The following PSMB7 variants were observed in gnomAD, a reference collection of about 807,000 sequenced individuals.
PSMB7 encodes the protein proteasome subunit beta type-7.
PSMB7 carries 5 observed loss-of-function variants against 28.1 expected under a neutral mutation model. The ratio of observed to expected loss-of-function variants is 0.18; its 90% confidence interval spans 0.09 to 0.37. The LOEUF (loss-of-function observed/expected upper bound fraction) is 0.37. Among genes scored for constraint, PSMB7 ranks in the 10% least tolerant of loss-of-function variants. PSMB7 has a pLI of 1.00. For missense variants in PSMB7, 275 were observed against 346.2 expected (o/e 0.79, Z 1.63); for synonymous variants, 122 against 123.7 (o/e 0.99, Z 0.09).
At chr9:124,400,042 C>T (rs1190775673) in intron 5 of PSMB7, among the ~76,000 whole-genome samples, 1 of 152,176 alleles carries the variant, frequency 6.6e-6, no homozygotes. Context: ...CTCCCAACAT[C>T]CATCCCTCTT....
chr9:124,414,009 T>C lies in PSMB7; in HGVS notation c.157-4A>G, dbSNP rs1324539930. On this transcript the variant is annotated splice_region_variant and splice_polypyrimidine_tract_variant and intron_variant, in intron 2 of 7. Coordinates refer to ENST00000259457, the MANE Select transcript of PSMB7 (RefSeq NM_002799.4). ...CTGCTCCAAGAACTATGCCATCCTA[T>C]TAAAAAAAAAAGTTTTTAAACAATT... is the stretch of plus-strand genomic sequence containing the variant. The C allele has an allele frequency of 1.3e-6, 2 of 1,597,364 alleles. No homozygotes were observed. The highest frequency in any genetic ancestry group is 1.7e-6 in the Non-Finnish European group (2 of 1,171,438).
At chr9:124,413,176 GA>G (rs1306837052) in intron 3 of PSMB7, among the ~76,000 whole-genome samples, 1 of 114,412 alleles carries the variant, frequency 8.7e-6, no homozygotes, top group Admixed American at 9.9e-5. Flanking sequence ...AAAAAAAAAA[GA>G]ACGAAAAAAA....
chr9:124,375,521 T>A (rs1268319196), intron 6 of PSMB7, among the ~76,000 whole-genome samples: 2 of 151,796 alleles, frequency 1.3e-5, no homozygotes, highest in Non-Finnish European at 2.9e-5. Flanking sequence ...AAATACACAT[T>A]TTTCCCCCCA....
rs138673386 is a variant in PSMB7 at position 124,353,674 on chromosome 9, G to A, written c.758C>T (p.Ala253Val). The A allele has an allele frequency of 7.4e-6, 12 of 1,613,826 alleles. No individual in the cohort carries two copies. The highest frequency in any genetic ancestry group is 8.5e-6 in the Non-Finnish European group (10 of 1,179,804). The change falls in exon 8 of 8, where the codon GCA (alanine) becomes GTA (valine). Residue 253 changes from alanine (A) to valine (V), a missense_variant. By Grantham distance (64) the Ala-to-Val change is moderately conservative. This residue lies in a region of PSMB7 where 213 missense variants were observed against 302.4 expected (regional missense o/e 0.70). Transcript: ENST00000259457. Reference sequence around the variant, plus strand: ...AGGAGTGATTTTCTCAGTGAGGACTGCAGTAGTCCCTTTCTCACACCTGTA... The same window carrying A: ...AGGAGTGATTTTCTCAGTGAGGACTACAGTAGTCCCTTTCTCACACCTGTA... ...GRYRCEKGTT[A>V]VLTEKITPLE... is the part of the protein sequence containing the mutation.
intron 6 of PSMB7, among the ~76,000 whole-genome samples, chr9:124,367,581 G>A (rs549501498): frequency 3.3e-5 from 5 of 152,174 alleles, no homozygotes; most frequent in East Asian, 1.9e-4. Flanking sequence ...CATGGGGGGC[G>A]GGGGAGGCAA....
chr9:124,370,472 T>A (rs1312113187), intron 6 of PSMB7, among the ~76,000 whole-genome samples: 1 of 151,260 alleles, frequency 6.6e-6, no homozygotes, highest in African/African-American at 2.4e-5. Context: ...TATTGGCAGT[T>A]CCGTTTATTC....
intron 5 of PSMB7, chr9:124,396,762 G>T (rs1830847755): frequency 4.2e-6 from 2 of 470,668 alleles, no homozygotes; most frequent in African/African-American, 4.0e-5. Flanking sequence ...TGCCAATGCT[G>T]CTACAAGGAA....
chr9:124,388,925 T>A (rs543393642), intron 5 of PSMB7, among the ~76,000 whole-genome samples: 9 of 152,246 alleles, frequency 5.9e-5, no homozygotes, highest in South Asian at 4.2e-4. Flanking sequence ...TCCTTTCATA[T>A]CTGCAGCCTC....
Position 124,395,660 on chromosome 9 carries a change from C to T in PSMB7, c.511+9657G>A, listed in dbSNP as rs576691377. On this transcript the variant is annotated intron_variant, in intron 5 of 7. Transcript: ENST00000259457. The stretch of plus-strand genomic sequence containing the variant: ...GTACAGAGCGTGCACACATAAAACG[C>T]GACGCTTCAGCACCCCAATAACCCT... Among the ~76,000 whole-genome samples, 11 of 152,202 alleles carry T rather than the reference C, an allele frequency of 7.2e-5. No individual in the cohort carries two copies. In the East Asian group the frequency reaches 1.3e-3, roughly 19 times the overall value.
intron 6 of PSMB7, among the ~76,000 whole-genome samples, chr9:124,364,244 T>C (rs1411207105): frequency 6.6e-6 from 1 of 152,062 alleles, no homozygotes; most frequent in African/African-American, 2.4e-5. Context: ...GGCACAAGGC[T>C]GTGTACAAGC....
intron 6 of PSMB7, among the ~76,000 whole-genome samples, chr9:124,376,223 G>T (rs1830608280): frequency 6.6e-6 from 1 of 151,906 alleles, no homozygotes. Context: ...AATATTTAAA[G>T]ACTTCTTGGT....
At chr9:124,407,364 T>C (rs1830976901) in intron 4 of PSMB7, among the ~76,000 whole-genome samples, 2 of 152,112 alleles carry the variant, frequency 1.3e-5, no homozygotes, top group Non-Finnish European at 2.9e-5. Context: ...ATTTTAGCAG[T>C]AGCCTAAAAA....
chr9:124,382,739 G>A (rs1182662712), intron 6 of PSMB7, among the ~76,000 whole-genome samples: 1 of 152,154 alleles, frequency 6.6e-6, no homozygotes, highest in Non-Finnish European at 1.5e-5. Flanking sequence ...TTTATCGAAA[G>A]GATGCTGACA....
Position 124,365,157 on chromosome 9 carries a change from AC to A in PSMB7, c.571-8243del, listed in dbSNP as rs889456096. 1.8e-4 allele frequency among the ~76,000 whole-genome samples: 27 copies of A among 152,350 alleles called. 3 individuals carry two copies. The highest frequency in any genetic ancestry group is 1.0e-3 in the Admixed American group (16 of 15,302). On this transcript the variant is annotated intron_variant, in intron 6 of 7. Coordinates refer to ENST00000259457, the MANE Select transcript of PSMB7 (RefSeq NM_002799.4). ...ATCACGAGCGGCCTGCTATGAACAC[AC>A]CGCACACGCTGTGCTGAACAATGGA...
chr9:124,396,431 C>A (rs552791747), intron 5 of PSMB7, among the ~76,000 whole-genome samples: 18 of 152,314 alleles, frequency 1.2e-4, no homozygotes, highest in African/African-American at 2.2e-4. Flanking sequence ...TTCTTCTGCC[C>A]ACAAGGTGAG....
At chr9:124,355,211 T>C (rs2131137495) in intron 7 of PSMB7, among the ~76,000 whole-genome samples, 1 of 152,342 alleles carries the variant, frequency 6.6e-6, no homozygotes, top group Admixed American at 6.5e-5. Context: ...CCCTGCAGGT[T>C]ACTGCACACC....
chr9:124,378,972 C>A (rs1830638589), intron 6 of PSMB7, among the ~76,000 whole-genome samples: 1 of 152,160 alleles, frequency 6.6e-6, no homozygotes, highest in Non-Finnish European at 1.5e-5. Context: ...GAGCTGAATT[C>A]TTATACCAGC....
chr9:124,400,143 ACT>A (rs1388447363), intron 5 of PSMB7, among the ~76,000 whole-genome samples: 1 of 151,674 alleles, frequency 6.6e-6, no homozygotes, highest in African/African-American at 2.4e-5. Context: ...CATGCAGCAA[ACT>A]CTGGCCTTTC....
intron 5 of PSMB7, among the ~76,000 whole-genome samples, chr9:124,386,219 AAC>A (rs1294601789): frequency 1.3e-5 from 2 of 152,242 alleles, no homozygotes; most frequent in African/African-American, 4.8e-5. Flanking sequence ...ATAGAAATTA[AAC>A]AGATATAAAA....
Sources: gnomAD v4.1 joint callset for allele counts (sites outside exome capture counted in the v4.1 genomes callset) on GRCh38, gnomAD v4.1.1 for gene constraint, gnomAD v4.1.1 regional missense constraint, MANE v1.5 for transcripts, NCBI Gene and HGNC (gene_info 2026-07-23, HGNC 2026-07-21) for gene names.